CGAS: variants seen among roughly 807,000 people sequenced by gnomAD.
The protein encoded by CGAS is cyclic GMP-AMP synthase.
CGAS carries 31 observed loss-of-function variants against 34.0 expected under a neutral mutation model. That is an observed-to-expected ratio of 0.91 (90% CI 0.69 to 1.23). The LOEUF is 1.23. Among genes scored for constraint, CGAS ranks in the 50% most tolerant of loss-of-function variants. CGAS has a pLI of 0.00. For synonymous variants in CGAS, 266 were observed against 260.0 expected (o/e 1.02, Z -0.22); for missense variants, 597 against 657.6 (o/e 0.91, Z 1.01).
At chr6:73,440,062 G>A in intron 3 of CGAS, 147 bp downstream of exon 3, 1 of 664,844 alleles carries the variant, frequency 1.5e-6, no homozygotes, top group Non-Finnish European at 2.5e-6. Flanking sequence ...AATTCTGTCT[G>A]TCACCAGACT....
intron 4 of CGAS, among the ~76,000 whole-genome samples, chr6:73,427,062 C>T (rs1409311885): frequency 6.6e-6 from 1 of 151,798 alleles, no homozygotes. Flanking sequence ...GTTGGCCAGG[C>T]TGGTCTCGAA....
Position 73,451,772 on chromosome 6 carries a change from C to T in CGAS, c.410G>A (p.Gly137Glu), listed in dbSNP as rs757628777. The T allele has an allele frequency of 2.4e-5, 39 of 1,599,042 alleles. No homozygotes were observed. The highest frequency in any genetic ancestry group is 3.2e-5 in the Non-Finnish European group (37 of 1,173,744). Residue 137 changes from glycine (G) to glutamate (E), a missense_variant, in exon 1 of 5, where the codon GGG becomes GAG. Gly to Glu is a moderately conservative substitution (Grantham distance 98). Around this residue, in one of 3 missense-constraint regions of CGAS, gnomAD observed 321 missense variants for 314.3 expected, o/e 1.02. Transcript: ENST00000370315. Reference protein sequence around the residue: ...RCSTKPRPPPGPWDVPSPGLP... With the variant: ...RCSTKPRPPPEPWDVPSPGLP... ...GCCGGGGCTGGGCACGTCCCAGGGC[C>T]CGGGCGGAGGTCTTGGCTTCGTGGA... is the stretch of plus-strand genomic sequence containing the variant.
In CGAS at chr6:73,451,817, C is replaced by A. The variant is rs770753111; in HGVS notation, c.365G>T (p.Arg122Leu). The change falls in exon 1 of 5, where the codon CGC becomes CTC. Residue 122 changes from arginine to leucine, a missense_variant. Physicochemically the swap from Arg to Leu is moderately radical, Grantham distance 102 (BLOSUM62 -2). Transcript: ENST00000370315. ...CGTGGAGCAGCGCGCGCCCCTCTGG[C>A]GGCAAGAACCAGCCCTGGAAAGAGC... ...EPALSRAGSC[R>L]QRGARCSTKP... The A allele has an allele frequency of 7.7e-6, 12 of 1,556,800 alleles. No homozygotes were observed. Among genetic ancestry groups the A allele is most frequent in the Non-Finnish European group, 9.6e-6 (11 of 1,151,572 alleles).
rs756318362 is a variant in CGAS, at chr6:73,452,063, G to A, written c.119C>T (p.Ala40Val). The A allele has an allele frequency of 6.2e-5, 95 of 1,535,506 alleles. No homozygotes were observed. The highest frequency in any genetic ancestry group is 7.8e-5 in the Non-Finnish European group (89 of 1,141,652). ...CGCCTTAGGCAGGGCGGCCTCGGGG[G>A]CAGCCGGAGACTCGGTGGGATCCAT... ...APMDPTESPA[A>V]PEAALPKAGK... Residue 40 changes from alanine (A) to valine (V), a missense_variant, in exon 1 of 5, where the codon GCC (alanine) becomes GTC (valine). By Grantham distance (64) the Ala-to-Val change is moderately conservative. Around this residue, in one of 3 missense-constraint regions of CGAS, gnomAD observed 321 missense variants for 314.3 expected, o/e 1.02. Coordinates refer to ENST00000370315, the MANE Select transcript of CGAS (RefSeq NM_138441.3).
intron 3 of CGAS, among the ~76,000 whole-genome samples, chr6:73,432,865 C>A (rs1770217536): frequency 6.6e-6 from 1 of 152,138 alleles, no homozygotes. Context: ...GAGCAGATCA[C>A]CTGAGGTCAG....
intron 4 of CGAS, among the ~76,000 whole-genome samples, chr6:73,427,374 A>T (rs936839829): frequency 6.6e-6 from 1 of 151,766 alleles, no homozygotes; most frequent in African/African-American, 2.4e-5. Context: ...ATCTCAGCTT[A>T]TTGCAACCTC....
At chr6:73,451,325 C>T (rs1479092150) in intron 1 of CGAS, among the ~76,000 whole-genome samples, 200 bp downstream of exon 1, 1 of 152,170 alleles carries the variant, frequency 6.6e-6, no homozygotes, top group East Asian at 1.9e-4. Flanking sequence ...CAATCAGTAC[C>T]GGTTGGTTGT....
In CGAS at chr6:73,451,595, C is replaced by A; in HGVS notation, c.587G>T (p.Arg196Ile). Residue 196 changes from arginine (R) to isoleucine (I), a missense_variant, in exon 1 of 5, where the codon AGA (arginine) becomes ATA (isoleucine). Transcript: ENST00000370315. ...TCTGAACGCGGAGTCGCACTTCAGTCTGAGCAGCAGGTGGTCCACAACCCC... is the reference window on the plus strand; with the variant it reads ...TCTGAACGCGGAGTCGCACTTCAGTATGAGCAGCAGGTGGTCCACAACCCC... ...VKGVVDHLLL[R>I]LKCDSAFRGV... 6.2e-7 allele frequency: 1 copy of A among 1,613,848 alleles called. No individual in the cohort carries two copies. Among genetic ancestry groups the A allele is most frequent in the South Asian group, 1.1e-5 (1 of 91,020 alleles).
At position 73,424,001 on chromosome 6, in the gene CGAS, A is replaced by C. The variant is rs1770039296; in HGVS notation, c.*1226T>G. 6.6e-6 allele frequency: 1 copy of C among 152,250 alleles called. No homozygotes were observed. The highest frequency in any genetic ancestry group is 1.5e-5 in the Non-Finnish European group (1 of 68,042). 9.4% of individuals were successfully genotyped at this position (152,250 alleles called of 1,614,324 possible). A position where few individuals can be genotyped will look rare whatever the true frequency, so the allele number is the denominator to read the frequency against. ...TATGAACAGGAAATATTTAACAAACAGCAGTTGCCTCTAGGCTGAATGCTA... is the reference window on the plus strand; with the variant it reads ...TATGAACAGGAAATATTTAACAAACCGCAGTTGCCTCTAGGCTGAATGCTA... On this transcript the variant is annotated 3_prime_UTR_variant, in exon 5 of 5. Coordinates refer to ENST00000370315, the MANE Select transcript of CGAS (RefSeq NM_138441.3).
At chr6:73,450,155 G>A (rs1421817459) in intron 1 of CGAS, among the ~76,000 whole-genome samples, 4 of 151,864 alleles carry the variant, frequency 2.6e-5, no homozygotes, top group South Asian at 2.1e-4. Context: ...GGTGGCTCAC[G>A]CCTGTAATCC....
intron 3 of CGAS, 147 bp from the exon 4 acceptor site, chr6:73,428,958 G>C (rs1306654237): frequency 1.2e-5 from 8 of 677,542 alleles, no homozygotes; most frequent in African/African-American, 1.8e-5. Context: ...AGGCCGAGGA[G>C]GGTGGGTCAC....
At chr6:73,446,027 C>T (rs1770462876) in intron 1 of CGAS, among the ~76,000 whole-genome samples, 1 of 151,924 alleles carries the variant, frequency 6.6e-6, no homozygotes, top group South Asian at 2.1e-4. Flanking sequence ...GTGGCTCACA[C>T]CTATAATTAA....
chr6:73,429,620 A>C (rs1161197908), intron 3 of CGAS, among the ~76,000 whole-genome samples: 2 of 151,878 alleles, frequency 1.3e-5, no homozygotes, highest in African/African-American at 4.8e-5. Flanking sequence ...AGGTCGGGAG[A>C]TCAAGACCAT....
At chr6:73,435,272 T>A (rs991289213) in intron 3 of CGAS, among the ~76,000 whole-genome samples, 14 of 152,226 alleles carry the variant, frequency 9.2e-5, no homozygotes, top group Non-Finnish European at 1.9e-4. Context: ...AGTTTATTTT[T>A]AAATAAACTA....
rs549710379 is a variant in CGAS, at chr6:73,442,788, G to A, written c.878-2343C>T. On this transcript the variant is annotated intron_variant, in intron 2 of 4. Coordinates refer to ENST00000370315, the MANE Select transcript of CGAS (RefSeq NM_138441.3). ...TAATTTTTGTATTTTTAGTACAGAC[G>A]GGGTTTCATCATCTTGGCCAGGCTG... Among the ~76,000 whole-genome samples, 17 of 151,852 alleles carry A rather than the reference G, an allele frequency of 1.1e-4. No individual in the cohort carries two copies. The South Asian group carries it at 1.3e-3, about 11-fold the overall frequency.
intron 3 of CGAS, among the ~76,000 whole-genome samples, chr6:73,433,995 T>TGTAAAGGG (rs576504790): frequency 1.3e-3 from 195 of 152,314 alleles, no homozygotes; most frequent in Non-Finnish European, 2.1e-3. Context: ...TATATGAGAA[T>TGTAAAGGG]GTAAAGGGTC....
chr6:73,443,140 T>C (rs1283510470), intron 2 of CGAS, among the ~76,000 whole-genome samples: 1 of 152,040 alleles, frequency 6.6e-6, no homozygotes, highest in African/African-American at 2.4e-5. Flanking sequence ...AACAAATCCA[T>C]TGGATTTCTG....
intron 4 of CGAS, among the ~76,000 whole-genome samples, chr6:73,428,506 G>A (rs1770128576): frequency 6.6e-6 from 1 of 151,918 alleles, no homozygotes; most frequent in South Asian, 2.1e-4. Flanking sequence ...CTATTCCCCG[G>A]CCTTGCCTTC....
In CGAS at chr6:73,424,994, C is replaced by A; in HGVS notation, c.*233G>T. On this transcript the variant is annotated 3_prime_UTR_variant, in exon 5 of 5. Coordinates refer to ENST00000370315, the MANE Select transcript of CGAS (RefSeq NM_138441.3). Reference sequence around the variant, plus strand: ...TAAGCCTCCCGAGTAGCTGGGATTACAGGCATGCATCACCATGCCCGGCTA... The same window carrying A: ...TAAGCCTCCCGAGTAGCTGGGATTAAAGGCATGCATCACCATGCCCGGCTA... 1 of 304,350 alleles carries A rather than the reference C, an allele frequency of 3.3e-6. No homozygotes were observed. Among genetic ancestry groups the A allele is most frequent in the Non-Finnish European group, 6.1e-6 (1 of 164,012 alleles). 18.9% of individuals were successfully genotyped at this position (304,350 alleles called of 1,614,324 possible).
Sources: allele counts gnomAD v4.1 joint callset (sites outside exome capture counted in the v4.1 genomes callset), GRCh38; gene constraint gnomAD v4.1.1; regional missense constraint gnomAD v4.1.1; transcripts MANE v1.5; gene names NCBI Gene and HGNC (gene_info 2026-07-23, HGNC 2026-07-21).